ACYP2: variants seen among roughly 807,000 people sequenced by gnomAD.
The protein encoded by ACYP2 is acylphosphatase-2.
A neutral mutation model predicts 11.2 loss-of-function variants in ACYP2; 12 were observed. The observed-to-expected ratio is 1.08, with a 90% CI of 0.69 to 1.74. The LOEUF is 1.74. ACYP2 is among the 40% of genes most tolerant of loss of function. ACYP2 has a pLI of 0.00. For synonymous variants in ACYP2, 43 were observed against 32.2 expected (o/e 1.33, Z -1.13); for missense variants, 134 against 101.9 (o/e 1.31, Z -1.35).
chr2:54,159,807 T>C (rs960516477), intron 6 of ACYP2, among the ~76,000 whole-genome samples: 2 of 152,144 alleles, frequency 1.3e-5, no homozygotes, highest in Non-Finnish European at 2.9e-5. Flanking sequence ...TCTGTCACTA[T>C]TCATCTCGCA....
At chr2:54,239,481 A>T (rs1181775659) in intron 6 of ACYP2, among the ~76,000 whole-genome samples, 1 of 152,188 alleles carries the variant, frequency 6.6e-6, no homozygotes, top group Non-Finnish European at 1.5e-5. Flanking sequence ...TAATAATCTC[A>T]AGAACTGCTT....
At chr2:53,996,184 C>T (rs923300535) in intron 2 of ACYP2, among the ~76,000 whole-genome samples, 6 of 151,986 alleles carry the variant, frequency 3.9e-5, no homozygotes, top group African/African-American at 1.4e-4. Context: ...CTATTCTAGG[C>T]ATAGTTGGTT....
chr2:54,138,384 T>C (rs1213623119), intron 5 of ACYP2, among the ~76,000 whole-genome samples: 1 of 152,228 alleles, frequency 6.6e-6, no homozygotes, highest in Non-Finnish European at 1.5e-5. Context: ...GAAATAATTC[T>C]CACTCTCAGC....
At chr2:54,007,161 A>AAG (rs1553352870) in intron 2 of ACYP2, among the ~76,000 whole-genome samples, 6 of 141,362 alleles carry the variant, frequency 4.2e-5, no homozygotes, top group African/African-American at 1.6e-4. Context: ...AAAAAAAAAA[A>AAG]AAAGAAAGAA....
At chr2:54,138,995 G>C (rs1558562326) in intron 6 of ACYP2, among the ~76,000 whole-genome samples, 1 of 152,170 alleles carries the variant, frequency 6.6e-6, no homozygotes, top group Non-Finnish European at 1.5e-5. Flanking sequence ...AGTAAGAATA[G>C]TATTGATGGA....
chr2:54,222,549 C>CAA (rs10607204), intron 6 of ACYP2, among the ~76,000 whole-genome samples: 6 of 106,478 alleles, frequency 5.6e-5, no homozygotes, highest in African/African-American at 1.4e-4. Context: ...GACTCTGTCT[C>CAA]AAAAAAAAAA....
At chr2:54,199,863 G>T (rs1430944343) in intron 6 of ACYP2, among the ~76,000 whole-genome samples, 1 of 152,136 alleles carries the variant, frequency 6.6e-6, no homozygotes, top group Non-Finnish European at 1.5e-5. Context: ...CACGCTGATG[G>T]GTGCCTGGTG....
chr2:54,265,642 G>C lies in ACYP2; in HGVS notation c.405-39046G>C, dbSNP rs115556584. On this transcript the variant is annotated intron_variant, in intron 6 of 6. Coordinates refer to ENST00000607452, the MANE Select transcript of ACYP2 (RefSeq NM_001320586.2). ...CTGAGTTTTCTTCCTCTGCTTCACA[G>C]ATAAATATCTACATACAGGGGTGAT... Among the ~76,000 whole-genome samples the C allele has an allele frequency of 2.9e-3, 435 of 152,330 alleles. 3 individuals carry two copies. The highest frequency in any genetic ancestry group is 9.9e-3 in the African/African-American group (410 of 41,572).
intron 6 of ACYP2, among the ~76,000 whole-genome samples, chr2:54,304,355 T>G (rs754954049): frequency 2.0e-5 from 3 of 152,082 alleles, no homozygotes; most frequent in Non-Finnish European, 4.4e-5. Flanking sequence ...AAGCTCCTTA[T>G]AAAAATATTT....
rs767782266 is a variant in ACYP2, at chr2:54,146,706, C to T, written c.404+7958C>T. Among the ~76,000 whole-genome samples, 3 of 151,984 alleles carry T rather than the reference C, an allele frequency of 2.0e-5. No homozygotes were observed. In the East Asian group the frequency reaches 5.8e-4, roughly 29 times the overall value. ...TATCTTAATTGTTTCTCTTTCATAGCATCTCATTCTTGTTGTTGTTTTCCC... is the reference window on the plus strand; with the variant it reads ...TATCTTAATTGTTTCTCTTTCATAGTATCTCATTCTTGTTGTTGTTTTCCC... On this transcript the variant is annotated intron_variant, in intron 6 of 6. Coordinates refer to ENST00000607452, the MANE Select transcript of ACYP2 (RefSeq NM_001320586.2).
intron 6 of ACYP2, among the ~76,000 whole-genome samples, chr2:54,195,748 G>C (rs567249621): frequency 2.1e-5 from 3 of 141,814 alleles, no homozygotes; most frequent in South Asian, 4.6e-4. Flanking sequence ...AGAGAGGATG[G>C]TTAAATAATT....
At chr2:54,097,077 A>G (rs2103694173) in intron 4 of ACYP2, among the ~76,000 whole-genome samples, 1 of 152,322 alleles carries the variant, frequency 6.6e-6, no homozygotes, top group Non-Finnish European at 1.5e-5. Flanking sequence ...AACATAATTA[A>G]AAAGCAATAA....
At chr2:54,039,115 A>G (rs1339334379) in intron 2 of ACYP2, among the ~76,000 whole-genome samples, 1 of 152,002 alleles carries the variant, frequency 6.6e-6, no homozygotes, top group Non-Finnish European at 1.5e-5. Context: ...GAAGTGGGAA[A>G]GAAGTAGAGG....
At chr2:54,296,222 A>C (rs1243520120) in intron 6 of ACYP2, among the ~76,000 whole-genome samples, 1 of 152,186 alleles carries the variant, frequency 6.6e-6, no homozygotes, top group East Asian at 1.9e-4. Flanking sequence ...GTCAAAGAGG[A>C]GGCCCTAGAA....
intron 6 of ACYP2, among the ~76,000 whole-genome samples, chr2:54,201,590 C>CTTTCTTTCTTTTCTTTCTTTCTTTCT (rs1305730732): frequency 2.3e-4 from 20 of 88,278 alleles, no homozygotes; most frequent in South Asian, 1.1e-3. Context: ...CTTTTTCTTT[C>CTTTCTTTCTTTTCTTTCTTTCTTTCT]TTTCTCTTTC....
At chr2:54,009,862 C>T (rs1573510005) in intron 2 of ACYP2, among the ~76,000 whole-genome samples, 1 of 152,176 alleles carries the variant, frequency 6.6e-6, no homozygotes, top group East Asian at 1.9e-4. Flanking sequence ...TTTAAACCTT[C>T]ACAGGAAGTC....
chr2:54,058,624 G>A (rs1676289420), intron 4 of ACYP2, among the ~76,000 whole-genome samples: 1 of 151,478 alleles, frequency 6.6e-6, no homozygotes, highest in African/African-American at 2.4e-5. Flanking sequence ...AAGAGTTAAA[G>A]AAAGAGGAAA....
At chr2:54,274,593 C>G (rs1484282855) in intron 6 of ACYP2, among the ~76,000 whole-genome samples, 2 of 136,294 alleles carry the variant, frequency 1.5e-5, no homozygotes, top group East Asian at 2.1e-4. Context: ...CACCACTGCC[C>G]TCAGGCTGGG....
chr2:54,131,381 G>A (rs1331878002), intron 4 of ACYP2, among the ~76,000 whole-genome samples: 1 of 152,158 alleles, frequency 6.6e-6, no homozygotes, highest in Non-Finnish European at 1.5e-5. Context: ...AGGGCTGCTC[G>A]AGATTCGTAA....
Sources: allele counts gnomAD v4.1 joint callset (sites outside exome capture counted in the v4.1 genomes callset), GRCh38; gene constraint gnomAD v4.1.1; transcripts MANE v1.5; gene names NCBI Gene and HGNC (gene_info 2026-07-23, HGNC 2026-07-21).